PCDHA1: variants seen among roughly 807,000 people sequenced by gnomAD.
The protein encoded by PCDHA1 is protocadherin alpha-1.
Under a neutral mutation model 61.3 loss-of-function variants are expected in PCDHA1, and 42 were observed. That is an observed-to-expected ratio of 0.69 (90% CI 0.54 to 0.89). The LOEUF is 0.89. Ranked by LOEUF, PCDHA1 falls within the 40% of genes least tolerant of loss-of-function variation. The pLI is 0.00. For synonymous variants in PCDHA1, 610 were observed against 553.8 expected (o/e 1.10, Z -1.43); for missense variants, 1,256 against 1,235.3 (o/e 1.02, Z -0.25).
At chr5:140,874,217 A>G (rs2054785474) in intron 1 of PCDHA1, among the ~76,000 whole-genome samples, 1 of 152,214 alleles carries the variant, frequency 6.6e-6, no homozygotes, top group African/African-American at 2.4e-5. Flanking sequence ...TATTATATGC[A>G]GTAGGAATGA....
intron 1 of PCDHA1, among the ~76,000 whole-genome samples, chr5:140,846,369 CTTTCTTTTTTTT>C (rs1156484325): frequency 9.8e-6 from 1 of 102,192 alleles, no homozygotes; most frequent in Non-Finnish European, 2.0e-5. Flanking sequence ...TCTTTTCTTT[CTTTCTTTTTTTT>C]TTTTTTTTTT....
chr5:140,882,103 G>A, intron 1 of PCDHA1: 2 of 1,335,054 alleles, frequency 1.5e-6, no homozygotes, highest in Non-Finnish European at 2.0e-6. Context: ...ACGTTTCCGC[G>A]AAGAAAGCCG....
At chr5:140,990,022 G>C (rs891983888) in intron 3 of PCDHA1, among the ~76,000 whole-genome samples, 1 of 152,156 alleles carries the variant, frequency 6.6e-6, no homozygotes, top group Non-Finnish European at 1.5e-5. Flanking sequence ...GCTAGGCAAA[G>C]GATGGGAGAA....
chr5:140,807,036 G>A lies in PCDHA1; in HGVS notation c.2394+18352G>A. On this transcript the variant is annotated intron_variant, in intron 1 of 3. Coordinates refer to ENST00000504120, the MANE Select transcript of PCDHA1 (RefSeq NM_018900.4). ...ATACATGAGAGAAGGAGGAAGAAGG[G>A]AAAATTCCTTCTATTCTTACTGGAA... The A allele has an allele frequency of 2.1e-6, 2 of 946,538 alleles. 1 individual carries two copies. Among genetic ancestry groups the A allele is most frequent in the South Asian group, 3.3e-5 (2 of 59,988 alleles). 58.6% of individuals were successfully genotyped at this position (946,538 alleles called of 1,614,324 possible).
intron 1 of PCDHA1, among the ~76,000 whole-genome samples, chr5:140,973,915 A>T (rs1401328396): frequency 2.0e-5 from 3 of 152,242 alleles, no homozygotes; most frequent in African/African-American, 7.2e-5. Context: ...CATTCCTGTC[A>T]CCAAACCCAG....
At chr5:140,982,336 A>G in intron 2 of PCDHA1, 139 bp from the exon 3 acceptor site, 1 of 1,449,074 alleles carries the variant, frequency 6.9e-7, no homozygotes, top group Non-Finnish European at 9.2e-7. Context: ...GCTCAGCAGT[A>G]ATTGCTTCAG....
At chr5:140,926,740 A>G (rs1291119790) in intron 1 of PCDHA1, 2 of 1,186,206 alleles carry the variant, frequency 1.7e-6, no homozygotes, top group Non-Finnish European at 2.2e-6. Context: ...CGGGAGGCGC[A>G]ACGTCGGCGG....
intron 1 of PCDHA1, chr5:140,822,989 CGTT>C (rs2150121099): frequency 1.5e-5 from 24 of 1,614,244 alleles, no homozygotes; most frequent in Non-Finnish European, 2.0e-5. Context: ...AATTACTACT[CGTT>C]GGTGCTGGAC....
intron 1 of PCDHA1, chr5:140,807,832 T>C: frequency 6.2e-7 from 1 of 1,614,186 alleles, no homozygotes; most frequent in South Asian, 1.1e-5. Flanking sequence ...TCACAGCCAC[T>C]GATGGAGGCA....
chr5:140,997,958 G>A (rs890356748), intron 3 of PCDHA1, among the ~76,000 whole-genome samples: 3 of 152,126 alleles, frequency 2.0e-5, no homozygotes, highest in Non-Finnish European at 2.9e-5. Context: ...TGGCATTCAC[G>A]TACCTGTGGT....
chr5:140,879,204 G>A (rs1041591784), intron 1 of PCDHA1, among the ~76,000 whole-genome samples: 3 of 152,328 alleles, frequency 2.0e-5, no homozygotes, highest in Admixed American at 6.5e-5. Flanking sequence ...AATTATGGCA[G>A]TAGAAATGAA....
At chr5:140,892,819 A>G (rs551280418) in intron 1 of PCDHA1, among the ~76,000 whole-genome samples, 2 of 152,304 alleles carry the variant, frequency 1.3e-5, no homozygotes, top group South Asian at 4.1e-4. Context: ...TTTATCCTAC[A>G]GTGCTACAGT....
chr5:140,813,187 T>G (rs1392565210), intron 1 of PCDHA1: 1 of 152,198 alleles, frequency 6.6e-6, no homozygotes, highest in Non-Finnish European at 1.5e-5. Flanking sequence ...GTCCTCTGCT[T>G]CCTTGCTGAT....
chr5:140,802,133 A>G, intron 1 of PCDHA1: 3 of 1,614,210 alleles, frequency 1.9e-6, no homozygotes, highest in Non-Finnish European at 2.5e-6. Flanking sequence ...ATTTCGAGGA[A>G]AGTAAGTCAT....
At chr5:140,862,906 C>A in intron 1 of PCDHA1, 1 of 554,064 alleles carries the variant, frequency 1.8e-6, no homozygotes, top group Non-Finnish European at 3.5e-6. Flanking sequence ...GTCTGCGCTG[C>A]TGGCGCCTTG....
chr5:140,834,255 C>T, intron 1 of PCDHA1: 1 of 936,844 alleles, frequency 1.1e-6, no homozygotes, highest in South Asian at 1.7e-5. Context: ...TGGAAAGACG[C>T]TCCACTCTCT....
chr5:140,967,029 G>A, intron 1 of PCDHA1: 1 of 1,609,056 alleles, frequency 6.2e-7, no homozygotes, highest in Non-Finnish European at 8.5e-7. Flanking sequence ...CCCAGTCCGC[G>A]CTACCTGGAG....
rs1202247543 is a variant in PCDHA1, at chr5:140,858,682, T to A, written c.2394+69998T>A. On this transcript the variant is annotated intron_variant, in intron 1 of 3. Coordinates refer to ENST00000504120, the MANE Select transcript of PCDHA1 (RefSeq NM_018900.4). Reference sequence around the variant, plus strand: ...AAATAACAATTTATTCTGAATACACTAATATTTTCCAATACAAATATGTGA... The same window carrying A: ...AAATAACAATTTATTCTGAATACACAAATATTTTCCAATACAAATATGTGA... 35 of 617,258 alleles carry A rather than the reference T, an allele frequency of 5.7e-5. 1 individual carries two copies. The East Asian group carries it at 9.7e-4, about 17-fold the overall frequency. 38.2% of individuals were successfully genotyped at this position (617,258 alleles called of 1,614,324 possible).
chr5:140,813,058 C>T (rs10223116), intron 1 of PCDHA1: 71,793 of 151,960 alleles, frequency 0.47, 17,482 homozygotes, highest in Middle Eastern at 0.61. Flanking sequence ...TGTGACCTGA[C>T]GTGTGATTTA....
Sources: allele counts gnomAD v4.1 joint callset (sites outside exome capture counted in the v4.1 genomes callset), GRCh38; gene constraint gnomAD v4.1.1; transcripts MANE v1.5; gene names NCBI Gene and HGNC (gene_info 2026-07-23, HGNC 2026-07-21).